The following ZFHX3 variants were observed in gnomAD, a reference collection of about 807,000 sequenced individuals.
The protein encoded by ZFHX3 is zinc finger homeobox protein 3.
ZFHX3 carries 42 observed loss-of-function variants against 279.1 expected under a neutral mutation model. That is an observed-to-expected ratio of 0.15 (90% CI 0.12 to 0.19). ZFHX3 has a LOEUF of 0.19. Ranked by LOEUF, ZFHX3 falls within the 10% of genes least tolerant of loss-of-function variation. The pLI is 1.00. For missense variants in ZFHX3, 4,981 were observed against 4,754.0 expected, an observed-to-expected ratio of 1.05 and a Z score of -1.40; for synonymous variants, 2,293 against 1,957.8, an observed-to-expected ratio of 1.17 and a Z score of -4.52.
intron 3 of ZFHX3, among the ~76,000 whole-genome samples, chr16:72,946,818 C>T (rs1960703121): frequency 6.6e-6 from 1 of 152,172 alleles, no homozygotes; most frequent in East Asian, 1.9e-4. Context: ...AGAGTGGGGC[C>T]AGGGTGTAGT....
At chr16:73,426,042 G>C (rs936358874) in intron 3 of ZFHX3, among the ~76,000 whole-genome samples, 1 of 151,950 alleles carries the variant, frequency 6.6e-6, no homozygotes, top group East Asian at 1.9e-4. Flanking sequence ...CCAACCCATA[G>C]CACTCACCCT....
intron 1 of ZFHX3, among the ~76,000 whole-genome samples, chr16:73,715,718 C>T (rs2053408250): frequency 6.6e-6 from 1 of 151,764 alleles, no homozygotes; most frequent in Non-Finnish European, 1.5e-5. Flanking sequence ...ATTACAGGTG[C>T]CCGCCACCAT....
intron 3 of ZFHX3, chr16:73,421,231 A>G (rs965252121): frequency 2.0e-5 from 3 of 152,246 alleles, no homozygotes; most frequent in Admixed American, 6.5e-5. Context: ...TACTGAAAAA[A>G]TGCAGCTTTC....
intron 6 of ZFHX3, among the ~76,000 whole-genome samples, chr16:73,140,252 C>T (rs1966843919): frequency 6.6e-6 from 1 of 151,834 alleles, no homozygotes; most frequent in Non-Finnish European, 1.5e-5. Flanking sequence ...CAGAGTGAAA[C>T]CCTGTCTCAA....
chr16:73,680,780 T>C (rs988440427), intron 1 of ZFHX3, among the ~76,000 whole-genome samples: 3 of 152,224 alleles, frequency 2.0e-5, no homozygotes, highest in Non-Finnish European at 4.4e-5. Flanking sequence ...TGGTGAATCT[T>C]AAACTATATC....
chr16:73,543,877 CGAGAGAGGGAGAGAGAGAGA>C (rs942887605), intron 2 of ZFHX3: 2 of 101,676 alleles, frequency 2.0e-5, no homozygotes, highest in African/African-American at 9.9e-5. Flanking sequence ...AGAGAGAGAG[CGAGAGAGGGAGAGAGAGAGA>C]GAGAGAGAGA....
At chr16:73,545,793 TAA>T (rs5817852) in intron 2 of ZFHX3, among the ~76,000 whole-genome samples, 13,094 of 140,664 alleles carry the variant, frequency 0.093, 991 homozygotes, top group Admixed American at 0.27. Flanking sequence ...CTGCTGAAAT[TAA>T]AAAAAAAAAA....
At chr16:73,329,703 T>C (rs974758073) in intron 3 of ZFHX3, among the ~76,000 whole-genome samples, 1 of 152,062 alleles carries the variant, frequency 6.6e-6, no homozygotes, top group African/African-American at 2.4e-5. Context: ...CCTGCATGCA[T>C]TGGTGGGAAA....
chr16:73,584,877 T>G (rs1288455893), intron 2 of ZFHX3, among the ~76,000 whole-genome samples: 1 of 152,052 alleles, frequency 6.6e-6, no homozygotes, highest in East Asian at 1.9e-4. Flanking sequence ...ACAATGAACT[T>G]AAGCAAATTT....
At chr16:72,986,091 C>T (rs986272580) in intron 1 of ZFHX3, among the ~76,000 whole-genome samples, 1 of 151,872 alleles carries the variant, frequency 6.6e-6, no homozygotes, top group Admixed American at 6.6e-5. Context: ...AAAAAGCAGG[C>T]CTCACCCCTG....
At chr16:73,686,494 GA>G (rs2053085549) in intron 1 of ZFHX3, among the ~76,000 whole-genome samples, 1 of 152,158 alleles carries the variant, frequency 6.6e-6, no homozygotes, top group African/African-American at 2.4e-5. Flanking sequence ...CTATAGTCAT[GA>G]AAAAACTCAA....
At chr16:73,522,284 T>G (rs2019620525) in intron 2 of ZFHX3, among the ~76,000 whole-genome samples, 1 of 152,210 alleles carries the variant, frequency 6.6e-6, no homozygotes, top group Non-Finnish European at 1.5e-5. Flanking sequence ...AAAACAGACA[T>G]AATGAACTTC....
intron 4 of ZFHX3, among the ~76,000 whole-genome samples, chr16:73,312,486 G>A (rs568979549): frequency 2.0e-4 from 31 of 152,284 alleles, no homozygotes; most frequent in Admixed American, 3.3e-4. Context: ...TAATGATAGT[G>A]TGTCAAGGTT....
At chr16:72,939,033 C>A (rs906558867) in intron 3 of ZFHX3, among the ~76,000 whole-genome samples, 12 of 152,190 alleles carry the variant, frequency 7.9e-5, no homozygotes, top group African/African-American at 2.9e-4. Context: ...CTGGGACCCG[C>A]GCCACTTGGC....
chr16:73,722,192 C>G (rs1464375336), intron 1 of ZFHX3, among the ~76,000 whole-genome samples: 1 of 152,208 alleles, frequency 6.6e-6, no homozygotes, highest in African/African-American at 2.4e-5. Context: ...CTTCATGGAA[C>G]CTACATCCTA....
intron 5 of ZFHX3, among the ~76,000 whole-genome samples, chr16:73,242,582 A>C (rs1330592365): frequency 6.6e-6 from 1 of 152,228 alleles, no homozygotes; most frequent in Non-Finnish European, 1.5e-5. Context: ...CTACAGAAGG[A>C]ATGCTCCTTT....
intron 1 of ZFHX3, among the ~76,000 whole-genome samples, chr16:73,811,438 CT>C (rs34134056): frequency 0.075 from 8,059 of 106,748 alleles, 85 homozygotes; most frequent in East Asian, 0.088. Context: ...TCAGTCTCTT[CT>C]TTTTTTTTTT....
intron 4 of ZFHX3, among the ~76,000 whole-genome samples, chr16:73,280,107 T>A (rs1039294031): frequency 1.3e-5 from 2 of 152,080 alleles, no homozygotes; most frequent in African/African-American, 4.8e-5. Context: ...GACACCATAC[T>A]AAAAAAATCA....
chr16:72,966,520 CTGTACCTGTTGGAGCTCAGCAGG>C (rs1233560797), intron 1 of ZFHX3, among the ~76,000 whole-genome samples: 1 of 152,238 alleles, frequency 6.6e-6, no homozygotes, highest in Non-Finnish European at 1.5e-5. Flanking sequence ...CAGTACTACT[CTGTACCTGTTGGAGCTCAGCAGG>C]TCCACAGCCC....
Sources: gnomAD v4.1 joint callset for allele counts (sites outside exome capture counted in the v4.1 genomes callset) on GRCh38, gnomAD v4.1.1 for gene constraint, MANE v1.5 for transcripts, NCBI Gene and HGNC (gene_info 2026-07-23, HGNC 2026-07-21) for gene names.